SRGAP2B: variants seen among roughly 807,000 people sequenced by gnomAD.
SRGAP2B encodes SLIT-ROBO Rho GTPase-activating protein 2B.
A neutral mutation model predicts 22.2 loss-of-function variants in SRGAP2B; 9 were observed. The ratio of observed to expected loss-of-function variants is 0.41; its 90% CI spans 0.24 to 0.71. The LOEUF is 0.71. Among genes scored for constraint, SRGAP2B ranks in the 30% least tolerant of loss-of-function variants. SRGAP2B has a pLI of 0.35. For missense variants in SRGAP2B, 114 were observed against 235.8 expected (o/e 0.48, Z 3.38); for synonymous variants, 36 against 87.4 (o/e 0.41, Z 3.28).
At chr1:144,998,617 AAGG>A (rs1254457574) in intron 2 of SRGAP2B, among the ~76,000 whole-genome samples, 1 of 150,850 alleles carries the variant, frequency 6.6e-6, no homozygotes, top group Non-Finnish European at 1.5e-5. Context: ...GGAGAAGGAA[AAGG>A]AGGAGAAAAA....
intron 2 of SRGAP2B, among the ~76,000 whole-genome samples, chr1:145,038,780 G>A (rs1648935995): frequency 7.9e-6 from 1 of 126,460 alleles, no homozygotes; most frequent in Non-Finnish European, 1.6e-5. Flanking sequence ...GGGGGTGGAA[G>A]AGCGGGATAG....
chr1:144,953,935 G>A (rs1239502512), intron 4 of SRGAP2B, among the ~76,000 whole-genome samples: 48 of 145,672 alleles, frequency 3.3e-4, no homozygotes, highest in Admixed American at 3.2e-3. Context: ...TCATAGAGAC[G>A]AGCTGTCAAA....
chr1:145,015,224 G>C (rs1414190212), intron 2 of SRGAP2B, among the ~76,000 whole-genome samples: 4 of 66,160 alleles, frequency 6.0e-5, no homozygotes, highest in Non-Finnish European at 1.1e-4. Context: ...AATTACAATG[G>C]TGTGCCACCA....
At chr1:145,068,815 G>T (rs1323807180) in intron 2 of SRGAP2B, among the ~76,000 whole-genome samples, 3 of 144,444 alleles carry the variant, frequency 2.1e-5, no homozygotes, top group Non-Finnish European at 3.0e-5. Context: ...TACTTATGAG[G>T]CATAAATCAG....
At chr1:144,982,932 C>T (rs1228652492) in intron 3 of SRGAP2B, among the ~76,000 whole-genome samples, 17 of 147,382 alleles carry the variant, frequency 1.2e-4, no homozygotes, top group Non-Finnish European at 1.8e-4. Flanking sequence ...TGGGCCCATG[C>T]AAAACACACC....
intron 4 of SRGAP2B, among the ~76,000 whole-genome samples, chr1:144,942,665 C>G (rs1379707950): frequency 1.3e-5 from 2 of 150,934 alleles, no homozygotes; most frequent in Non-Finnish European, 3.0e-5. Flanking sequence ...GGTGATCCAC[C>G]TGCCTCCACC....
chr1:144,909,570 G>C (rs1210548696), intron 5 of SRGAP2B, among the ~76,000 whole-genome samples: 1 of 146,110 alleles, frequency 6.8e-6, no homozygotes, highest in African/African-American at 2.6e-5. Context: ...CTGGGCAACA[G>C]AGCGAGACTC....
chr1:144,956,507 G>A (rs1667279732), intron 3 of SRGAP2B, among the ~76,000 whole-genome samples: 2 of 112,978 alleles, frequency 1.8e-5, no homozygotes, highest in South Asian at 6.3e-4. Flanking sequence ...GAGTACAGTG[G>A]CACAATCTTG....
Position 145,036,132 on chromosome 1 carries a change from G to A in SRGAP2B, c.68-40932C>T, listed in dbSNP as rs1201736560. ...TGACTCATGTTTGGAACTTTCTCTA[G>A]AGCACATCTCTTGGTATTTCCTGCA... On this transcript the variant is annotated intron_variant, in intron 2 of 9. Coordinates refer to ENST00000612199, the Ensembl canonical transcript of SRGAP2B. Among the ~76,000 whole-genome samples, 13 of 136,522 alleles carry A rather than the reference G, an allele frequency of 9.5e-5. 1 individual carries two copies. Among genetic ancestry groups the A allele is most frequent in the African/African-American group, 3.8e-4 (13 of 34,278 alleles). The allele number at this position is 136,522 out of a possible 152,430, so 89.6% of individuals were successfully genotyped here.
intron 2 of SRGAP2B, among the ~76,000 whole-genome samples, chr1:145,015,155 C>A (rs1311546777): frequency 7.8e-6 from 1 of 128,664 alleles, no homozygotes; most frequent in Non-Finnish European, 1.6e-5. Flanking sequence ...CGGCTCACTG[C>A]GGCCTCTGCC....
exon 10 of SRGAP2B, chr1:144,891,674 C>G (rs1662122393): frequency 2.0e-5 from 2 of 100,700 alleles, no homozygotes; most frequent in South Asian, 6.7e-4. Flanking sequence ...GAATTATGTG[C>G]AAAATAGTAA....
At chr1:144,966,839 T>C (rs1438350895) in intron 3 of SRGAP2B, among the ~76,000 whole-genome samples, 1 of 149,040 alleles carries the variant, frequency 6.7e-6, no homozygotes, top group Admixed American at 6.6e-5. Flanking sequence ...GGGGTTGCAA[T>C]CCTAGTCTCT....
At position 144,984,319 on chromosome 1, in the gene SRGAP2B, TA is replaced by T. The variant is rs1290805926; in HGVS notation, c.260+10688del. Among the ~76,000 whole-genome samples the T allele has an allele frequency of 9.7e-5, 9 of 93,162 alleles. 1 individual carries two copies. The South Asian group carries it at 1.2e-3, about 12-fold the overall frequency. 61.1% of individuals were successfully genotyped at this position (93,162 alleles called of 152,430 possible). On this transcript the variant is annotated intron_variant, in intron 3 of 9. Transcript: ENST00000612199. ...TGGGCAACAAGAGCGAAACTCCATC[TA>T]AAAAAAAACCCAAACAACAACAACA...
At chr1:145,031,785 T>G (rs1355670681) in intron 2 of SRGAP2B, among the ~76,000 whole-genome samples, 1 of 140,806 alleles carries the variant, frequency 7.1e-6, no homozygotes, top group Non-Finnish European at 1.5e-5. Flanking sequence ...AGGCGGAGCT[T>G]GCAGTGAGCC....
At chr1:145,031,715 T>C (rs1648354791) in intron 2 of SRGAP2B, among the ~76,000 whole-genome samples, 1 of 145,144 alleles carries the variant, frequency 6.9e-6, no homozygotes, top group Non-Finnish European at 1.5e-5. Flanking sequence ...GGAGTGGTGG[T>C]GGGCGCCTGT....
At chr1:145,011,787 G>C (rs1672070937) in intron 2 of SRGAP2B, among the ~76,000 whole-genome samples, 2 of 149,308 alleles carry the variant, frequency 1.3e-5, no homozygotes, top group Non-Finnish European at 1.5e-5. Context: ...TGGTCTTGCT[G>C]CCTCCTCCCT....
intron 6 of SRGAP2B, 128 bp downstream of exon 6, chr1:144,905,731 G>A: frequency 1.4e-6 from 1 of 692,424 alleles, no homozygotes; most frequent in Admixed American, 2.2e-5. Context: ...CTCATTTTCA[G>A]TCATTAGGCA....
chr1:144,909,676 T>G (rs1663271219), intron 5 of SRGAP2B, among the ~76,000 whole-genome samples: 2 of 149,974 alleles, frequency 1.3e-5, no homozygotes, highest in African/African-American at 5.0e-5. Flanking sequence ...GTTTATTCTG[T>G]TAGAGAGGGT....
intron 4 of SRGAP2B, among the ~76,000 whole-genome samples, chr1:144,934,210 G>A (rs1665444644): frequency 6.6e-6 from 1 of 150,462 alleles, no homozygotes; most frequent in African/African-American, 2.5e-5. Flanking sequence ...TTCGAGACTA[G>A]CCTGGCCAAC....
Sources: gnomAD v4.1 joint callset for allele counts (sites outside exome capture counted in the v4.1 genomes callset) on GRCh38, gnomAD v4.1.1 for gene constraint, MANE v1.5 for transcripts, NCBI Gene and HGNC (gene_info 2026-07-23, HGNC 2026-07-21) for gene names.